The following GRM8 variants were observed in gnomAD, a reference collection of about 807,000 sequenced individuals.
GRM8 encodes glutamate metabotropic receptor 8, also known as metabotropic glutamate receptor 8.
GRM8 carries 47 observed loss-of-function variants against 87.2 expected under a neutral mutation model. The ratio of observed to expected loss-of-function variants is 0.54; its 90% CI spans 0.43 to 0.69. The LOEUF is 0.69. Among genes scored for constraint, GRM8 ranks in the 30% least tolerant of loss-of-function variants. The pLI is 0.00. For synonymous variants in GRM8, 396 were observed against 404.5 expected, an observed-to-expected ratio of 0.98 and a Z score of 0.25; for missense variants, 1,019 against 1,139.2, an observed-to-expected ratio of 0.89 and a Z score of 1.52.
rs778542730 is a variant in GRM8, at chr7:126,940,106, G to A, written c.728-35423C>T. ...AGATGAATCTGAAACTAAAGCACAT[G>A]CTTGAAACTGAAGGGAAAATGAGTC... On this transcript the variant is annotated intron_variant, in intron 3 of 10. Coordinates refer to ENST00000339582, the MANE Select transcript of GRM8 (RefSeq NM_000845.3). Among the ~76,000 whole-genome samples the A allele has an allele frequency of 7.9e-5, 12 of 152,154 alleles. No individual in the cohort carries two copies. In the South Asian group the frequency reaches 1.0e-3, roughly 13 times the overall value.
chr7:126,575,558 G>C (rs573602859), intron 8 of GRM8, among the ~76,000 whole-genome samples: 7 of 152,098 alleles, frequency 4.6e-5, no homozygotes, highest in African/African-American at 1.7e-4. Context: ...GGGGACCGCT[G>C]CTATAGGGAA....
chr7:127,117,545 G>T (rs908996214), intron 2 of GRM8, among the ~76,000 whole-genome samples: 3 of 152,152 alleles, frequency 2.0e-5, no homozygotes, highest in Non-Finnish European at 2.9e-5. Context: ...GGGAAGTTTT[G>T]AAATGAGCTG....
intron 9 of GRM8, among the ~76,000 whole-genome samples, chr7:126,498,806 T>A (rs989792232): frequency 6.6e-6 from 1 of 152,000 alleles, no homozygotes; most frequent in Non-Finnish European, 1.5e-5. Context: ...AAATTAGGAC[T>A]TTCATTATGT....
intron 7 of GRM8, among the ~76,000 whole-genome samples, chr7:126,739,780 A>T (rs964947901): frequency 2.0e-5 from 3 of 152,126 alleles, no homozygotes; most frequent in Non-Finnish European, 2.9e-5. Flanking sequence ...CTACATATAC[A>T]TAATACTGAA....
chr7:126,788,420 A>AAAAACAAAAAAAACAAAAAACAAAAAAC, intron 6 of GRM8, among the ~76,000 whole-genome samples: 1 of 81,138 alleles, frequency 1.2e-5, no homozygotes, highest in African/African-American at 4.6e-5. Flanking sequence ...AAAAAAAAAA[A>AAAAACAAAAAAAACAAAAAACAAAAAAC]AAACCCTTTC....
chr7:126,851,631 G>T (rs898966958), intron 6 of GRM8, among the ~76,000 whole-genome samples: 5 of 152,022 alleles, frequency 3.3e-5, no homozygotes, highest in Admixed American at 3.3e-4. Context: ...CCAGATGACT[G>T]TTCAGGGCCT....
intron 9 of GRM8, among the ~76,000 whole-genome samples, chr7:126,525,183 T>C (rs1813648521): frequency 6.6e-6 from 1 of 152,226 alleles, no homozygotes; most frequent in Non-Finnish European, 1.5e-5. Flanking sequence ...TTGTTTTACC[T>C]GGCTCGCTTC....
intron 9 of GRM8, among the ~76,000 whole-genome samples, chr7:126,469,790 A>C (rs1437124624): frequency 6.6e-6 from 1 of 152,144 alleles, no homozygotes; most frequent in African/African-American, 2.4e-5. Flanking sequence ...GCAGTGTAAG[A>C]AAGGACTAAT....
chr7:126,811,323 T>C (rs1032157135), intron 6 of GRM8, among the ~76,000 whole-genome samples: 5 of 152,080 alleles, frequency 3.3e-5, no homozygotes, highest in African/African-American at 7.2e-5. Flanking sequence ...CTTTGTTCTT[T>C]TTGCTTGCTT....
chr7:126,969,923 T>C (rs1338365899), intron 3 of GRM8, among the ~76,000 whole-genome samples: 1 of 152,164 alleles, frequency 6.6e-6, no homozygotes, highest in African/African-American at 2.4e-5. Context: ...AAACATTAAT[T>C]TCCTTGTGTA....
intron 3 of GRM8, among the ~76,000 whole-genome samples, chr7:127,009,940 T>C (rs1814712188): frequency 6.6e-6 from 1 of 152,040 alleles, no homozygotes; most frequent in African/African-American, 2.4e-5. Context: ...GCTTCCTGGG[T>C]TCAAGGATCC....
intron 3 of GRM8, among the ~76,000 whole-genome samples, chr7:127,018,674 C>G (rs1364340143): frequency 6.6e-6 from 1 of 151,968 alleles, no homozygotes; most frequent in Non-Finnish European, 1.5e-5. Context: ...AAGTCATATG[C>G]AGGAGGCTGC....
chr7:126,955,361 T>C (rs1371242207), intron 3 of GRM8, among the ~76,000 whole-genome samples: 2 of 152,128 alleles, frequency 1.3e-5, no homozygotes, highest in African/African-American at 4.8e-5. Context: ...AAAATAACAT[T>C]TTCCTCTTGG....
chr7:126,640,696 CCT>C (rs1286632986), intron 7 of GRM8, among the ~76,000 whole-genome samples: 2 of 152,018 alleles, frequency 1.3e-5, no homozygotes, highest in Non-Finnish European at 2.9e-5. Flanking sequence ...TCCTTCCATC[CCT>C]GTCATTTTCT....
At chr7:126,543,677 C>A (rs979128361) in intron 8 of GRM8, among the ~76,000 whole-genome samples, 1 of 152,098 alleles carries the variant, frequency 6.6e-6, no homozygotes, top group Non-Finnish European at 1.5e-5. Flanking sequence ...GTAAAGATTT[C>A]AAAGGCACAG....
At chr7:126,465,327 T>C (rs1804363739) in intron 9 of GRM8, 1 of 142,280 alleles carries the variant, frequency 7.0e-6, no homozygotes, top group Non-Finnish European at 1.5e-5. Flanking sequence ...AATTTTAGAG[T>C]CAGCTTGCCA....
intron 10 of GRM8, 137 bp downstream of exon 10, chr7:126,445,989 G>A: frequency 2.1e-6 from 2 of 968,350 alleles, no homozygotes; most frequent in Non-Finnish European, 3.2e-6. Flanking sequence ...AAATGTGATG[G>A]TGTCACGGTA....
At chr7:126,603,754 T>C (rs1798063821) in intron 8 of GRM8, among the ~76,000 whole-genome samples, 1 of 152,022 alleles carries the variant, frequency 6.6e-6, no homozygotes, top group Non-Finnish European at 1.5e-5. Flanking sequence ...TATGTATGTG[T>C]TTGTGTATAT....
intron 6 of GRM8, among the ~76,000 whole-genome samples, chr7:126,802,102 T>C (rs938144993): frequency 6.6e-6 from 1 of 152,198 alleles, no homozygotes; most frequent in East Asian, 1.9e-4. Flanking sequence ...AAATGATGTT[T>C]TGGTATTTCA....
Sources: gnomAD v4.1 joint callset for allele counts (sites outside exome capture counted in the v4.1 genomes callset) on GRCh38, gnomAD v4.1.1 for gene constraint, MANE v1.5 for transcripts, NCBI Gene and HGNC (gene_info 2026-07-23, HGNC 2026-07-21) for gene names.